Variants in DIAPH3 observed in about 807,000 individuals in gnomAD.
The protein encoded by DIAPH3 is diaphanous related formin 3.
In DIAPH3, 117 loss-of-function variants were observed where a neutral mutation model predicts 144.3. The observed-to-expected ratio is 0.81, with a 90% CI of 0.70 to 0.95. The LOEUF (loss-of-function observed/expected upper bound fraction) is 0.95. Ranked by LOEUF, DIAPH3 falls within the 40% of genes least tolerant of loss-of-function variation. The pLI, the probability that DIAPH3 is intolerant of heterozygous loss-of-function variation, is 0.00. For missense variants in DIAPH3, 1,421 were observed against 1,412.7 expected, an observed-to-expected ratio of 1.01 and a Z score of -0.09; for synonymous variants, 519 against 488.9, an observed-to-expected ratio of 1.06 and a Z score of -0.81.
intron 1 of DIAPH3, among the ~76,000 whole-genome samples, chr13:60,155,193 A>T (rs1371808931): frequency 2.6e-5 from 4 of 152,204 alleles, no homozygotes; most frequent in African/African-American, 9.6e-5. Context: ...ACTAGATGAG[A>T]TGCAAGGTTT....
chr13:59,830,299 A>C (rs368080802), intron 24 of DIAPH3, among the ~76,000 whole-genome samples: 36 of 151,860 alleles, frequency 2.4e-4, no homozygotes, highest in East Asian at 5.8e-4. Flanking sequence ...TTTACCCCCC[A>C]AAAAGAAAGA....
Position 59,993,702 on chromosome 13 carries a change from T to TAAAAAAAAAAAAAAAAA in DIAPH3, c.1015-1136_1015-1120dup, listed in dbSNP as rs3078724. ...GAGAGAGGAAGAAGAGAAACATACT[T>TAAAAAAAAAAAAAAAAA]AAAAAAAAAAAAAAAAAAAACTTAA... is the stretch of plus-strand genomic sequence containing the variant. On this transcript the variant is annotated intron_variant, in intron 9 of 27. Coordinates refer to ENST00000400324, the MANE Select transcript of DIAPH3 (RefSeq NM_001042517.2). Among the ~76,000 whole-genome samples the TAAAAAAAAAAAAAAAAA allele has an allele frequency of 4.5e-4, 33 of 73,854 alleles. 2 individuals carry two copies. Among genetic ancestry groups the TAAAAAAAAAAAAAAAAA allele is most frequent in the Middle Eastern group, 7.7e-3 (1 of 130 alleles). The allele number at this position is 73,854 out of a possible 152,430, so 48.5% of individuals were successfully genotyped here. A position where few individuals can be genotyped will look rare whatever the true frequency, so the allele number is the denominator to read the frequency against.
intron 20 of DIAPH3, among the ~76,000 whole-genome samples, chr13:59,888,182 T>C (rs2045569652): frequency 6.6e-6 from 1 of 151,912 alleles, no homozygotes; most frequent in Non-Finnish European, 1.5e-5. Flanking sequence ...GGTGATTGGA[T>C]CATGAGGGCA....
At chr13:59,698,763 C>G (rs538121995) in intron 27 of DIAPH3, among the ~76,000 whole-genome samples, 2 of 152,208 alleles carry the variant, frequency 1.3e-5, no homozygotes, top group South Asian at 4.1e-4. Flanking sequence ...ATGAGTAACA[C>G]AAATACTGGA....
intron 4 of DIAPH3, among the ~76,000 whole-genome samples, chr13:60,064,744 C>T (rs1450488129): frequency 1.3e-5 from 2 of 152,164 alleles, no homozygotes; most frequent in African/African-American, 2.4e-5. Flanking sequence ...TTTTCCTTTG[C>T]ATTCACAACT....
At position 60,072,548 on chromosome 13, in the gene DIAPH3, T is replaced by G. The variant is rs557966629; in HGVS notation, c.495+21080A>C. Among the ~76,000 whole-genome samples, 4 of 152,334 alleles carry G rather than the reference T, an allele frequency of 2.6e-5. 1 individual carries two copies. In the South Asian group the frequency reaches 8.3e-4, roughly 32 times the overall value. ...TTTCATATATATGAACATTAAAATT[T>G]TCCTTGAAATGGAAAATTGGATAGT... On this transcript the variant is annotated intron_variant, in intron 4 of 27. Transcript: ENST00000400324.
intron 9 of DIAPH3, among the ~76,000 whole-genome samples, chr13:60,005,702 C>T (rs528540522): frequency 3.9e-5 from 6 of 152,122 alleles, no homozygotes; most frequent in East Asian, 1.9e-4. Flanking sequence ...AGGATGGTCT[C>T]GATCTCCTGA....
At chr13:60,152,333 T>C (rs1951826376) in intron 1 of DIAPH3, among the ~76,000 whole-genome samples, 2 of 151,938 alleles carry the variant, frequency 1.3e-5, no homozygotes, top group African/African-American at 4.8e-5. Flanking sequence ...ATATCCCACA[T>C]CCCTCAGCAC....
chr13:60,034,092 C>T (rs1335710343), intron 5 of DIAPH3, among the ~76,000 whole-genome samples: 3 of 152,174 alleles, frequency 2.0e-5, no homozygotes, highest in Admixed American at 2.0e-4. Flanking sequence ...ATAAACTATA[C>T]TGATTCTTTG....
At chr13:59,846,649 C>T (rs2042650253) in intron 22 of DIAPH3, among the ~76,000 whole-genome samples, 1 of 151,892 alleles carries the variant, frequency 6.6e-6, no homozygotes. Context: ...AGGTCTACAA[C>T]AAAACCTAAA....
At chr13:59,987,817 C>A (rs370038314) in intron 12 of DIAPH3, among the ~76,000 whole-genome samples, 111 of 141,088 alleles carry the variant, frequency 7.9e-4, no homozygotes, top group African/African-American at 9.3e-4. Flanking sequence ...CAGAAAGGGA[C>A]AAAAAAAAAA....
At chr13:59,715,051 T>C (rs530483714) in intron 27 of DIAPH3, among the ~76,000 whole-genome samples, 3 of 152,160 alleles carry the variant, frequency 2.0e-5, no homozygotes, top group Non-Finnish European at 4.4e-5. Context: ...AGATGCTTAT[T>C]ATAAGCTAGC....
chr13:59,983,331 C>T (rs944782561), intron 13 of DIAPH3, among the ~76,000 whole-genome samples: 1 of 151,290 alleles, frequency 6.6e-6, no homozygotes, highest in African/African-American at 2.4e-5. Flanking sequence ...ACATCAGGCA[C>T]TGGTCATATG....
intron 4 of DIAPH3, among the ~76,000 whole-genome samples, chr13:60,073,493 C>G (rs1404480459): frequency 6.6e-6 from 1 of 152,056 alleles, no homozygotes; most frequent in East Asian, 1.9e-4. Context: ...GTTTATGTAA[C>G]ATTAAATAAA....
chr13:59,909,600 C>G (rs1329265658), intron 20 of DIAPH3, among the ~76,000 whole-genome samples: 1 of 152,106 alleles, frequency 6.6e-6, no homozygotes, highest in Non-Finnish European at 1.5e-5. Flanking sequence ...ACCACAGAAA[C>G]CAGAACCGAA....
At chr13:59,992,846 G>GAA (rs200815478) in intron 9 of DIAPH3, among the ~76,000 whole-genome samples, 46 of 70,054 alleles carry the variant, frequency 6.6e-4, no homozygotes, top group African/African-American at 1.0e-3. Context: ...TAAAAAAATA[G>GAA]AAAAAAAAAA....
chr13:60,072,153 T>C (rs1445660669), intron 4 of DIAPH3, among the ~76,000 whole-genome samples: 3 of 152,246 alleles, frequency 2.0e-5, no homozygotes, highest in Admixed American at 1.3e-4. Context: ...AATCTACAAG[T>C]CTCTTCTCGA....
At chr13:59,955,268 C>T (rs1049300352) in intron 17 of DIAPH3, among the ~76,000 whole-genome samples, 25 of 151,932 alleles carry the variant, frequency 1.6e-4, no homozygotes, top group African/African-American at 6.0e-4. Context: ...TGGGAGGGAC[C>T]CAGTGGGAGG....
intron 7 of DIAPH3, 27 bp downstream of exon 7, chr13:60,015,886 A>G (rs995012771): frequency 2.1e-5 from 33 of 1,585,728 alleles, no homozygotes; most frequent in Non-Finnish European, 2.7e-5. Flanking sequence ...TTGGTGACGG[A>G]CAAATACTAA....
Sources: allele counts gnomAD v4.1 joint callset (sites outside exome capture counted in the v4.1 genomes callset), GRCh38; gene constraint gnomAD v4.1.1; transcripts MANE v1.5; gene names NCBI Gene and HGNC (gene_info 2026-07-23, HGNC 2026-07-21).